The following ACSBG1 variants were observed in gnomAD, a reference collection of about 807,000 sequenced individuals.
ACSBG1 encodes the protein long-chain-fatty-acid--CoA ligase ACSBG1.
A neutral mutation model predicts 80.2 loss-of-function variants in ACSBG1; 39 were observed. The observed-to-expected ratio is 0.49, with a 90% CI of 0.38 to 0.64. The LOEUF is 0.64. ACSBG1 is among the 30% of genes least tolerant of loss of function. ACSBG1 has a pLI of 0.00. For synonymous variants in ACSBG1, 392 were observed against 379.5 expected (o/e 1.03, Z -0.38); for missense variants, 828 against 966.4 (o/e 0.86, Z 1.90).
rs1482395694 is a variant in ACSBG1 at position 78,178,757 on chromosome 15, A to G, written c.1559T>C (p.Leu520Pro). The change falls in exon 11 of 14, where the codon CTG becomes CCG. Residue 520 changes from leucine to proline, a missense_variant. Around this residue, in one of 3 missense-constraint regions of ACSBG1, gnomAD observed 271 missense variants for 375.9 expected, o/e 0.72. Transcript: ENST00000258873. The surrounding 1 kb of genome is among the most constrained non-coding windows in gnomAD (Gnocchi z 4.3). ...QDAEGIGEIC[L>P]WGRTIFMGYL... is the part of the protein sequence containing the mutation. ...GCCCATGAATATGGTGCGGCCCCAC[A>G]GGCAGATCTCGCCAATGCCCTCTGC... The G allele has an allele frequency of 1.2e-6, 2 of 1,614,132 alleles. No homozygotes were observed. Among genetic ancestry groups the G allele is most frequent in the Non-Finnish European group, 8.5e-7 (1 of 1,180,044 alleles).
At chr15:78,216,458 A>G (rs1318324231) in intron 1 of ACSBG1, among the ~76,000 whole-genome samples, 1 of 152,188 alleles carries the variant, frequency 6.6e-6, no homozygotes, top group East Asian at 1.9e-4. Context: ...CTCAAGGCCA[A>G]GGTGATAGGC....
intron 5 of ACSBG1, among the ~76,000 whole-genome samples, chr15:78,193,135 G>A (rs1048932891): frequency 6.6e-6 from 1 of 152,012 alleles, no homozygotes; most frequent in African/African-American, 2.4e-5. Context: ...TGCTCAAGAT[G>A]TCACAGCCCT....
At chr15:78,222,690 C>T (rs1005623301) in intron 1 of ACSBG1, among the ~76,000 whole-genome samples, 1 of 152,006 alleles carries the variant, frequency 6.6e-6, no homozygotes, top group East Asian at 1.9e-4. Context: ...TAAAAGCAAC[C>T]AAAGCAGACG....
intron 1 of ACSBG1, among the ~76,000 whole-genome samples, chr15:78,220,861 G>A (rs1445526092): frequency 6.6e-6 from 1 of 152,198 alleles, no homozygotes; most frequent in Admixed American, 6.5e-5. Flanking sequence ...TATACTGCTG[G>A]TGGGAATGCA....
intron 1 of ACSBG1, among the ~76,000 whole-genome samples, chr15:78,224,987 T>G (rs11855610): frequency 0.21 from 27,210 of 127,498 alleles, 2,665 homozygotes; most frequent in African/African-American, 0.28. Flanking sequence ...TCTTAGGGGA[T>G]CTACAAAAAA....
intron 2 of ACSBG1, among the ~76,000 whole-genome samples, chr15:78,205,995 C>T (rs973451802): frequency 1.3e-5 from 2 of 152,202 alleles, no homozygotes; most frequent in Admixed American, 6.5e-5. Flanking sequence ...CTGGAACTCA[C>T]CCACGCTGTA....
intron 1 of ACSBG1, among the ~76,000 whole-genome samples, chr15:78,219,430 A>C (rs909428758): frequency 6.7e-6 from 1 of 150,362 alleles, no homozygotes; most frequent in African/African-American, 2.4e-5. Flanking sequence ...AAAAAAGTGA[A>C]CTTGAAGACA....
At chr15:78,226,785 A>AATATAT (rs140363906) in intron 1 of ACSBG1, among the ~76,000 whole-genome samples, 16 of 78,434 alleles carry the variant, frequency 2.0e-4, no homozygotes, top group African/African-American at 7.2e-4. Context: ...CACATAGAAA[A>AATATAT]ATATATATAT....
intron 5 of ACSBG1, among the ~76,000 whole-genome samples, chr15:78,187,134 ACT>A (rs1371901408): frequency 6.6e-6 from 1 of 152,182 alleles, no homozygotes; most frequent in African/African-American, 2.4e-5. Flanking sequence ...GAAGAAGTTG[ACT>A]CTCTGAATAG....
chr15:78,184,845 T>C (rs28674481), intron 5 of ACSBG1, among the ~76,000 whole-genome samples: 3,540 of 152,246 alleles, frequency 0.023, 140 homozygotes, highest in African/African-American at 0.079. Context: ...GGTGTACACA[T>C]TGGCCATCTT....
chr15:78,173,246 G>A (rs1595877292), intron 13 of ACSBG1, among the ~76,000 whole-genome samples: 1 of 148,936 alleles, frequency 6.7e-6, no homozygotes, highest in South Asian at 2.1e-4. Flanking sequence ...TCGGGAGGCT[G>A]AGGCAGGAGA....
At chr15:78,173,559 A>G (rs2074849019) in intron 13 of ACSBG1, 34 bp downstream of exon 13, 4 of 1,607,436 alleles carry the variant, frequency 2.5e-6, no homozygotes, top group Non-Finnish European at 3.4e-6. Context: ...GCCTTCCCAC[A>G]CAGCCCTTGC....
At chr15:78,233,078 C>T (rs868357235) in intron 1 of ACSBG1, among the ~76,000 whole-genome samples, 6 of 152,186 alleles carry the variant, frequency 3.9e-5, no homozygotes, top group African/African-American at 9.7e-5. Context: ...GCCAGGACAC[C>T]GGGGCCCAGA....
intron 11 of ACSBG1, 54 bp from the exon 12 acceptor site, chr15:78,174,578 T>C: frequency 6.4e-7 from 1 of 1,571,960 alleles, no homozygotes; most frequent in Non-Finnish European, 8.6e-7. Flanking sequence ...GTGCCCCAGC[T>C]GAACCACAAC....
chr15:78,202,149 G>A (rs1361481735), intron 2 of ACSBG1, among the ~76,000 whole-genome samples: 3 of 152,046 alleles, frequency 2.0e-5, no homozygotes, highest in African/African-American at 7.3e-5. Flanking sequence ...AGCCAGGAAG[G>A]TCCATTCTTC....
rs1004909223 is a variant in ACSBG1, at chr15:78,171,085, C to T, written c.*359G>A. The T allele has an allele frequency of 1.1e-5, 2 of 177,360 alleles. No individual in the cohort carries two copies. The highest frequency in any genetic ancestry group is 3.0e-4 in the East Asian group (2 of 6,574). The allele number at this position is 177,360 out of a possible 1,614,324, so 11.0% of individuals were successfully genotyped here. ...CAGTATCAGCCATCTCTCTCCTACC[C>T]GCTCCACAGCCTACTGCTGGCTGTC... On this transcript the variant is annotated 3_prime_UTR_variant, in exon 14 of 14. Transcript: ENST00000258873.
In ACSBG1 at chr15:78,212,611, G is replaced by A. The variant is rs571514772; in HGVS notation, c.132-4509C>T. On this transcript the variant is annotated intron_variant, in intron 1 of 13. Transcript: ENST00000258873. ...GCACCTCTGGCATGGTGCCTGGGGG[G>A]TGGCTGCAATCTGTGAGCTTGCCCA... 3.0e-4 allele frequency: 135 copies of A among 455,744 alleles called. 7 individuals carry two copies. Among genetic ancestry groups the A allele is most frequent in the South Asian group, 2.0e-3 (127 of 64,522 alleles). 28.2% of individuals were successfully genotyped at this position (455,744 alleles called of 1,614,324 possible).
Position 78,178,890 on chromosome 15 carries a change from T to G in ACSBG1, c.1485-59A>C. Reference sequence around the variant, plus strand: ...GGAGCCGTCTCCTCCAAGCCCCCACTGGGGAGCCGGGGTCCCAACTGCTCG... The same window carrying G: ...GGAGCCGTCTCCTCCAAGCCCCCACGGGGGAGCCGGGGTCCCAACTGCTCG... On this transcript the variant is annotated intron_variant, in intron 10 of 13. Transcript: ENST00000258873. The surrounding 1 kb of genome is among the most constrained non-coding windows in gnomAD (Gnocchi z 4.3). 1 of 1,518,042 alleles carries G rather than the reference T, an allele frequency of 6.6e-7. No individual in the cohort carries two copies. 94.0% of individuals were successfully genotyped at this position (1,518,042 alleles called of 1,614,324 possible).
At chr15:78,185,259 G>A (rs533071432) in intron 5 of ACSBG1, among the ~76,000 whole-genome samples, 50 of 152,238 alleles carry the variant, frequency 3.3e-4, no homozygotes, top group African/African-American at 1.2e-3. Context: ...TCATGCATAG[G>A]GTGAAACTCC....
Sources: gnomAD v4.1 joint callset for allele counts (sites outside exome capture counted in the v4.1 genomes callset) on GRCh38, gnomAD v4.1.1 for gene constraint, gnomAD v4.1.1 regional missense constraint, Gnocchi (gnomAD v3.1) non-coding constraint, MANE v1.5 for transcripts, NCBI Gene and HGNC (gene_info 2026-07-23, HGNC 2026-07-21) for gene names.